Variants in SRL observed in about 807,000 individuals in gnomAD.
SRL encodes sarcalumenin.
SRL carries 23 observed loss-of-function variants against 39.5 expected under a neutral mutation model. That is an observed-to-expected ratio of 0.58 (90% CI 0.42 to 0.82). SRL has a LOEUF of 0.82. SRL is among the 40% of genes least tolerant of loss of function. The pLI, the probability that SRL is intolerant of heterozygous loss-of-function variation, is 0.00. For synonymous variants in SRL, 272 were observed against 237.4 expected (o/e 1.15, Z -1.34); for missense variants, 592 against 607.8 (o/e 0.97, Z 0.27).
rs188341846 is a variant in SRL at position 4,238,517 on chromosome 16, T to C, written c.61+3490A>G. Among the ~76,000 whole-genome samples the C allele has an allele frequency of 3.6e-4, 55 of 152,304 alleles. 1 individual carries two copies. The highest frequency in any genetic ancestry group is 1.3e-3 in the African/African-American group (53 of 41,564). ...AGTGGAAAGGACTGAATTCCAGCTC[T>C]GGCCTGCCATGAACTCACTGTTTGA... On this transcript the variant is annotated intron_variant, in intron 1 of 5. Coordinates refer to ENST00000399609, the MANE Select transcript of SRL (RefSeq NM_001098814.2).
intron 1 of SRL, among the ~76,000 whole-genome samples, chr16:4,221,844 G>T (rs989066358): frequency 2.0e-5 from 3 of 152,092 alleles, no homozygotes; most frequent in Admixed American, 2.0e-4. Flanking sequence ...GCAACTCTTG[G>T]CTTGTGGCTG....
intron 1 of SRL, among the ~76,000 whole-genome samples, chr16:4,230,676 C>T (rs2052651410): frequency 1.3e-5 from 2 of 152,092 alleles, no homozygotes; most frequent in South Asian, 4.2e-4. Context: ...GTGTGAGCCA[C>T]CACACCCAGG....
intron 1 of SRL, among the ~76,000 whole-genome samples, chr16:4,211,755 T>A (rs1463822624): frequency 6.8e-6 from 1 of 146,854 alleles, no homozygotes; most frequent in Non-Finnish European, 1.5e-5. Flanking sequence ...ATGATGATGA[T>A]GATGGTGATG....
intron 3 of SRL, among the ~76,000 whole-genome samples, chr16:4,199,198 G>T (rs2052187992): frequency 6.6e-6 from 1 of 151,970 alleles, no homozygotes; most frequent in African/African-American, 2.4e-5. Context: ...TTGGTTCAAA[G>T]ATCAGGAATA....
intron 2 of SRL, 43 bp from the exon 3 acceptor site, chr16:4,203,304 G>T: frequency 6.5e-7 from 1 of 1,550,090 alleles, no homozygotes; most frequent in Non-Finnish European, 8.9e-7. Context: ...ACGCAGGTGC[G>T]ATCCAGGCAG....
intron 1 of SRL, 135 bp from the exon 2 acceptor site, chr16:4,204,769 T>C (rs2052297054): frequency 8.8e-6 from 6 of 684,814 alleles, no homozygotes; most frequent in South Asian, 1.7e-5. Context: ...TGGACTGAGC[T>C]CTGCCTTTAG....
In SRL at chr16:4,242,071, G is replaced by T; in HGVS notation, c.-4C>A. ...CGAGCAGGACCAGCGCCCTCATGGT[G>T]ACTGCCAAGAGAGCCCAGCTGCTCC... On this transcript the variant is annotated 5_prime_UTR_variant, in exon 1 of 6. Coordinates refer to ENST00000399609, the MANE Select transcript of SRL (RefSeq NM_001098814.2). 1 of 1,610,112 alleles carries T rather than the reference G, an allele frequency of 6.2e-7. No individual in the cohort carries two copies. The highest frequency in any genetic ancestry group is 8.5e-7 in the Non-Finnish European group (1 of 1,179,048).
In SRL at chr16:4,214,492, C is replaced by T. The variant is rs560087450; in HGVS notation, c.62-9858G>A. Among the ~76,000 whole-genome samples, 48 of 152,354 alleles carry T rather than the reference C, an allele frequency of 3.2e-4. No homozygotes were observed. The South Asian group carries it at 9.5e-3, about 30-fold the overall frequency. ...TGTCCCAGAGAGTGAGGAGCACCAG[C>T]CATGGCATACATGTGAGCCCCATGT... On this transcript the variant is annotated intron_variant, in intron 1 of 5. Transcript: ENST00000399609.
chr16:4,199,678 T>A, intron 3 of SRL, among the ~76,000 whole-genome samples: 1 of 140,576 alleles, frequency 7.1e-6, no homozygotes. Context: ...CCCCTCCCCA[T>A]CTTCTTTTCT....
At chr16:4,199,499 T>C (rs1326959834) in intron 3 of SRL, among the ~76,000 whole-genome samples, 2 of 149,414 alleles carry the variant, frequency 1.3e-5, no homozygotes, top group Non-Finnish European at 3.0e-5. Context: ...GCCTCCTGAG[T>C]AGCTGAGACC....
At chr16:4,200,867 C>A (rs1285502409) in intron 3 of SRL, among the ~76,000 whole-genome samples, 3 of 152,158 alleles carry the variant, frequency 2.0e-5, no homozygotes, top group Non-Finnish European at 4.4e-5. Flanking sequence ...ACACCCTGGC[C>A]ACTTACAGCC....
intron 2 of SRL, among the ~76,000 whole-genome samples, 175 bp from the exon 3 acceptor site, chr16:4,203,436 T>G (rs1243866660): frequency 6.6e-6 from 1 of 152,172 alleles, no homozygotes; most frequent in African/African-American, 2.4e-5. Flanking sequence ...CTGGCCCACA[T>G]CTCAACTCGC....
At chr16:4,232,667 T>G (rs1367436783) in intron 1 of SRL, among the ~76,000 whole-genome samples, 2 of 152,224 alleles carry the variant, frequency 1.3e-5, no homozygotes, top group African/African-American at 2.4e-5. Flanking sequence ...TAGGCCATTA[T>G]GCCTGGCTAA....
At chr16:4,232,084 C>T (rs562246889) in intron 1 of SRL, among the ~76,000 whole-genome samples, 158 of 152,268 alleles carry the variant, frequency 1.0e-3, no homozygotes, top group African/African-American at 2.1e-3. Context: ...CCAGGCCAGC[C>T]GCTCTGCCTC....
In SRL at chr16:4,192,741, A is replaced by G. The variant is rs200701267; in HGVS notation, c.834T>C (p.Pro278=). 6.2e-7 allele frequency: 1 copy of G among 1,614,140 alleles called. No homozygotes were observed. Among genetic ancestry groups the G allele is most frequent in the Non-Finnish European group, 8.5e-7 (1 of 1,180,034 alleles). The change falls in exon 6 of 6, where the codon CCT becomes CCC. Residue 278 remains proline, a synonymous_variant. Transcript: ENST00000399609. The surrounding 1 kb of genome is among the most constrained non-coding windows in gnomAD (Gnocchi z 4.0). ...VYGALFWSLA[P]LINVTEPPRV... is the part of the protein sequence containing the mutation. ...TTGGGGGCTCTGTGACATTGATGAG[A>G]GGGGCCAAGCTCCAGAAGAGGGCCC...
rs149805907 is a variant in SRL at position 4,196,901 on chromosome 16, G to A, written c.376+898C>T. Among the ~76,000 whole-genome samples the A allele has an allele frequency of 3.3e-5, 5 of 152,132 alleles. No individual in the cohort carries two copies. In the East Asian group the frequency reaches 7.7e-4, roughly 23 times the overall value. Reference sequence around the variant, plus strand: ...ATATCAGAATTTCATTCCTTTTTAAGGCTGAATAATAATTTATGTATGAAC... The same window carrying A: ...ATATCAGAATTTCATTCCTTTTTAAAGCTGAATAATAATTTATGTATGAAC... On this transcript the variant is annotated intron_variant, in intron 4 of 5. Transcript: ENST00000399609.
At chr16:4,194,245 G>A (rs1326796624) in intron 5 of SRL, among the ~76,000 whole-genome samples, 6 of 152,186 alleles carry the variant, frequency 3.9e-5, no homozygotes, top group Middle Eastern at 3.4e-3. Context: ...CAACCATCAT[G>A]GCCATCCCTC....
intron 1 of SRL, among the ~76,000 whole-genome samples, chr16:4,224,599 T>G (rs1390956568): frequency 6.6e-6 from 1 of 151,934 alleles, no homozygotes; most frequent in African/African-American, 2.4e-5. Context: ...TGGTCCTACC[T>G]ACTCAGGAGG....
chr16:4,203,343 C>A, intron 2 of SRL, 82 bp from the exon 3 acceptor site: 2 of 1,152,362 alleles, frequency 1.7e-6, no homozygotes, highest in East Asian at 2.4e-5. Context: ...GCCTCACCAC[C>A]CAGGGCAGCT....
Sources: allele counts gnomAD v4.1 joint callset (sites outside exome capture counted in the v4.1 genomes callset), GRCh38; gene constraint gnomAD v4.1.1; non-coding constraint Gnocchi (gnomAD v3.1); transcripts MANE v1.5; gene names NCBI Gene and HGNC (gene_info 2026-07-23, HGNC 2026-07-21).